Variants in COL4A6 observed in about 807,000 individuals in gnomAD.
COL4A6 encodes the protein collagen type IV alpha 6 chain.
COL4A6 carries 59 observed loss-of-function variants against 126.7 expected under a neutral mutation model. The ratio of observed to expected loss-of-function variants is 0.47; its 90% CI spans 0.38 to 0.58. The LOEUF is 0.58. COL4A6 is among the 20% of genes least tolerant of loss of function. The pLI is 0.00. For missense variants in COL4A6, 1,285 were observed against 1,337.3 expected, an observed-to-expected ratio of 0.96 and a Z score of 0.61; for synonymous variants, 547 against 496.6, an observed-to-expected ratio of 1.10 and a Z score of -1.35.
Position 108,310,833 on chromosome X carries a change from TA to T in COL4A6, c.64-6del. ...CTTTCCATAAGACTTCTCTCCCTAT[TA>T]AAAAAAGGAAAAAGTTAATAAACCA... On this transcript the variant is annotated splice_region_variant and splice_polypyrimidine_tract_variant and intron_variant, in intron 2 of 44. Coordinates refer to ENST00000334504, the MANE Select transcript of COL4A6 (RefSeq NM_033641.4). The T allele has an allele frequency of 1.7e-6, 2 of 1,188,963 alleles. No homozygotes were observed. Among genetic ancestry groups the T allele is most frequent in the Non-Finnish European group, 2.3e-6 (2 of 878,417 alleles).
intron 9 of COL4A6, 79 bp downstream of exon 9, chrX:108,206,439 T>A (rs780796663): frequency 4.6e-5 from 48 of 1,040,401 alleles, no homozygotes; most frequent in Non-Finnish European, 6.5e-5. Flanking sequence ...ATTACACAGG[T>A]TTACATTGAA....
chrX:108,196,478 C>G, intron 14 of COL4A6, 33 bp downstream of exon 14: 3 of 1,170,160 alleles, frequency 2.6e-6, no homozygotes, highest in Non-Finnish European at 3.5e-6. Context: ...GATGACTTGA[C>G]AGACCCAGGC....
intron 37 of COL4A6, among the ~76,000 whole-genome samples, chrX:108,167,930 C>A (rs1464494564): frequency 3.6e-5 from 4 of 111,804 alleles, no homozygotes; most frequent in Non-Finnish European, 7.5e-5. Flanking sequence ...CTCTCAGAGG[C>A]AATCACTCCT....
chrX:108,379,524 T>A, intron 2 of COL4A6, among the ~76,000 whole-genome samples: 1 of 102,346 alleles, frequency 9.8e-6, no homozygotes, highest in East Asian at 3.1e-4. Context: ...ACAGTCTTCC[T>A]TCCTTTGCCT....
intron 2 of COL4A6, among the ~76,000 whole-genome samples, chrX:108,342,235 C>T (rs1395052470): frequency 8.9e-6 from 1 of 112,228 alleles, no homozygotes; most frequent in African/African-American, 3.2e-5. Flanking sequence ...CATAAAGCAA[C>T]CTTTCTGTTA....
chrX:108,287,251 A>T lies in COL4A6; in HGVS notation c.144+23497T>A, dbSNP rs1263326598. On this transcript the variant is annotated intron_variant, in intron 3 of 44. Coordinates refer to ENST00000334504, the MANE Select transcript of COL4A6 (RefSeq NM_033641.4). ...GTCTTGTAATCCTATAATCTGTGTT[A>T]TTTCTGGGTCAGTTTTGGTTGGTTG... Among the ~76,000 whole-genome samples, 3 of 111,994 alleles carry T rather than the reference A, an allele frequency of 2.7e-5. No homozygotes were observed. In the East Asian group the frequency reaches 8.4e-4, roughly 32 times the overall value.
rs144692582 is a variant in COL4A6, at chrX:108,183,481, C to T, written c.1952-2513G>A. Reference sequence around the variant, plus strand: ...CATGCATGGTGAAGGAAATCAGCCCCTCTCAGAGACTGCATGCCCACTCAA... The same window carrying T: ...CATGCATGGTGAAGGAAATCAGCCCTTCTCAGAGACTGCATGCCCACTCAA... On this transcript the variant is annotated intron_variant, in intron 23 of 44. Coordinates refer to ENST00000334504, the MANE Select transcript of COL4A6 (RefSeq NM_033641.4). 7.7e-3 allele frequency among the ~76,000 whole-genome samples: 857 copies of T among 111,052 alleles called. 11 individuals carry two copies. Among genetic ancestry groups the T allele is most frequent in the African/African-American group, 0.026 (802 of 30,547 alleles).
chrX:108,267,241 T>C (rs1294749223), intron 3 of COL4A6, among the ~76,000 whole-genome samples: 1 of 112,225 alleles, frequency 8.9e-6, no homozygotes, highest in East Asian at 2.8e-4. Context: ...CCTCCACTTA[T>C]AAGCACCCTT....
intron 3 of COL4A6, among the ~76,000 whole-genome samples, chrX:108,227,070 A>G (rs2148281492): frequency 9.0e-6 from 1 of 111,323 alleles, no homozygotes; most frequent in African/African-American, 3.3e-5. Context: ...TTCTCCAGGG[A>G]GCTTTCTATG....
At chrX:108,265,155 C>T (rs2037266208) in intron 3 of COL4A6, among the ~76,000 whole-genome samples, 1 of 111,325 alleles carries the variant, frequency 9.0e-6, no homozygotes, top group Non-Finnish European at 1.9e-5. Context: ...GGTCCCTATA[C>T]TGCTTTGACA....
Position 108,275,070 on chromosome X carries a change from G to T in COL4A6, c.144+35678C>A, listed in dbSNP as rs184236756. ...ATTTTAATAAGAAAGAAATCTAGGGGTATATACATTAGGATGTTAACACTA... is the reference window on the plus strand; with the variant it reads ...ATTTTAATAAGAAAGAAATCTAGGGTTATATACATTAGGATGTTAACACTA... On this transcript the variant is annotated intron_variant, in intron 3 of 44. Coordinates refer to ENST00000334504, the MANE Select transcript of COL4A6 (RefSeq NM_033641.4). Among the ~76,000 whole-genome samples the T allele has an allele frequency of 3.5e-4, 39 of 110,969 alleles. No individual in the cohort carries two copies. The East Asian group carries it at 0.01, about 29-fold the overall frequency.
intron 3 of COL4A6, among the ~76,000 whole-genome samples, chrX:108,295,421 C>T (rs1372294798): frequency 8.9e-6 from 1 of 112,080 alleles, no homozygotes; most frequent in Non-Finnish European, 1.9e-5. Context: ...TCATGGTGGC[C>T]TTTATGTCAC....
At chrX:108,391,062 TG>T (rs1317073532) in intron 2 of COL4A6, among the ~76,000 whole-genome samples, 1 of 111,486 alleles carries the variant, frequency 9.0e-6, no homozygotes, top group African/African-American at 3.3e-5. Context: ...TTCCTTCCTC[TG>T]GAAGCTTCGT....
At chrX:108,341,820 G>A (rs1260711477) in intron 2 of COL4A6, among the ~76,000 whole-genome samples, 4 of 111,572 alleles carry the variant, frequency 3.6e-5, no homozygotes, top group Middle Eastern at 4.2e-3. Context: ...CCAGAGGACC[G>A]ATAAATGCAC....
intron 2 of COL4A6, among the ~76,000 whole-genome samples, chrX:108,418,958 T>C (rs981077833): frequency 3.6e-5 from 4 of 112,576 alleles, no homozygotes; most frequent in Non-Finnish European, 5.6e-5. Flanking sequence ...TTAAGATTTG[T>C]TTGTATACAA....
rs150132956 is a variant in COL4A6, at chrX:108,261,220, T to C, written c.145-39846A>G. Among the ~76,000 whole-genome samples, 45 of 112,044 alleles carry C rather than the reference T, an allele frequency of 4.0e-4. No individual in the cohort carries two copies. The East Asian group carries it at 6.4e-3, about 16-fold the overall frequency. Reference sequence around the variant, plus strand: ...TGAAATTTCAATTTCTCAGCCACATTAGCCACATTTTAAATGCTCAATAGC... The same window carrying C: ...TGAAATTTCAATTTCTCAGCCACATCAGCCACATTTTAAATGCTCAATAGC... On this transcript the variant is annotated intron_variant, in intron 3 of 44. Coordinates refer to ENST00000334504, the MANE Select transcript of COL4A6 (RefSeq NM_033641.4).
intron 3 of COL4A6, among the ~76,000 whole-genome samples, chrX:108,294,749 GT>G (rs2038276204): frequency 9.0e-6 from 1 of 110,975 alleles, no homozygotes; most frequent in Non-Finnish European, 1.9e-5. Flanking sequence ...GCAAAATGGG[GT>G]TTAAAATAAA....
At chrX:108,298,586 C>T (rs1463937710) in intron 3 of COL4A6, among the ~76,000 whole-genome samples, 2 of 111,301 alleles carry the variant, frequency 1.8e-5, no homozygotes, top group Non-Finnish European at 3.8e-5. Context: ...GAGCAAGGAT[C>T]TTTCGGGGAT....
intron 2 of COL4A6, among the ~76,000 whole-genome samples, chrX:108,409,373 T>C (rs2041281039): frequency 8.9e-6 from 1 of 112,233 alleles, no homozygotes; most frequent in Non-Finnish European, 1.9e-5. Context: ...ATAATTATCA[T>C]AATGAAACTG....
Sources: allele counts gnomAD v4.1 joint callset (sites outside exome capture counted in the v4.1 genomes callset), GRCh38; gene constraint gnomAD v4.1.1; transcripts MANE v1.5; gene names NCBI Gene and HGNC (gene_info 2026-07-23, HGNC 2026-07-21).